The following SLC24A2 variants were observed in gnomAD, a reference collection of about 807,000 sequenced individuals.
SLC24A2 encodes solute carrier family 24 member 2.
Under a neutral mutation model 62.0 loss-of-function variants are expected in SLC24A2, and 36 were observed. The observed-to-expected ratio is 0.58, with a 90% CI of 0.44 to 0.77. The LOEUF is 0.77. SLC24A2 is among the 30% of genes least tolerant of loss of function. The pLI is 0.00. For missense variants in SLC24A2, 846 were observed against 817.9 expected, an observed-to-expected ratio of 1.03 and a Z score of -0.42; for synonymous variants, 358 against 294.0, an observed-to-expected ratio of 1.22 and a Z score of -2.23.
chr9:20,118,008 A>G, the SLC24A2 span, among the ~76,000 whole-genome samples: 4 of 152,112 alleles, frequency 2.6e-5, no homozygotes, highest in Admixed American at 1.3e-4. Flanking sequence ...TACCACCTTC[A>G]GCTTAACTAT....
chr9:20,292,149 A>C, the SLC24A2 span, among the ~76,000 whole-genome samples: 1 of 152,202 alleles, frequency 6.6e-6, no homozygotes, highest in East Asian at 1.9e-4. Context: ...GGAGCCAGCC[A>C]ATCAAAAAAC....
At chr9:19,694,049 C>G (rs1445217978) in intron 2 of SLC24A2, among the ~76,000 whole-genome samples, 1 of 151,320 alleles carries the variant, frequency 6.6e-6, no homozygotes, top group African/African-American at 2.4e-5. Flanking sequence ...TTAATTAGTT[C>G]AACTAAAACA....
At chr9:19,790,527 C>G (rs200364533), upstream of SLC24A2, among the ~76,000 whole-genome samples, 1 of 50,314 alleles carries the variant, frequency 2.0e-5, no homozygotes, top group Non-Finnish European at 4.9e-5. Context: ...CTAATTTGAG[C>G]ATCAAAAAAA....
chr9:19,521,855 A>G lies in SLC24A2; in HGVS notation c.1570-795T>C, dbSNP rs560705597. Among the ~76,000 whole-genome samples, 728 of 138,390 alleles carry G rather than the reference A, an allele frequency of 5.3e-3. 22 individuals are homozygous for G. Among genetic ancestry groups the G allele is most frequent in the East Asian group, 3.6e-3 (16 of 4,444 alleles). The allele number at this position is 138,390 out of a possible 152,430, so 90.8% of individuals were successfully genotyped here. ...GAAAAGCAAGGGGAGGGTGGCTATTACTTTTTTTCTTTTTTTTTCTTTTTT... is the reference window on the plus strand; with the variant it reads ...GAAAAGCAAGGGGAGGGTGGCTATTGCTTTTTTTCTTTTTTTTTCTTTTTT... On this transcript the variant is annotated intron_variant, in intron 9 of 10. Transcript: ENST00000341998.
At chr9:19,657,600 G>A (rs1384214432) in intron 2 of SLC24A2, among the ~76,000 whole-genome samples, 1 of 151,908 alleles carries the variant, frequency 6.6e-6, no homozygotes, top group Admixed American at 6.6e-5. Flanking sequence ...CTTTGCTTAG[G>A]CTGTTGCTTT....
the SLC24A2 span, among the ~76,000 whole-genome samples, chr9:20,068,428 C>A: frequency 6.6e-6 from 1 of 152,154 alleles, no homozygotes; most frequent in East Asian, 1.9e-4. Context: ...CTCTTTGAAC[C>A]TCTTGGCTCT....
the SLC24A2 span, among the ~76,000 whole-genome samples, chr9:20,073,082 C>T: frequency 6.6e-6 from 1 of 152,134 alleles, no homozygotes; most frequent in African/African-American, 2.4e-5. Context: ...GAAAACAATA[C>T]ATATGTATTA....
chr9:19,529,618 T>C (rs1833602183), intron 8 of SLC24A2, among the ~76,000 whole-genome samples: 1 of 152,138 alleles, frequency 6.6e-6, no homozygotes. Context: ...TGCTTTTCCC[T>C]GCTCCCTTTC....
the SLC24A2 span, among the ~76,000 whole-genome samples, chr9:19,834,772 G>C: frequency 6.6e-6 from 1 of 152,062 alleles, no homozygotes; most frequent in East Asian, 1.9e-4. Flanking sequence ...ACACATAATC[G>C]TCAGATTCAC....
chr9:20,043,964 A>G, the SLC24A2 span, among the ~76,000 whole-genome samples: 25 of 152,252 alleles, frequency 1.6e-4, no homozygotes, highest in Non-Finnish European at 3.2e-4. Flanking sequence ...CAATCAATGC[A>G]GCAAATTTCA....
chr9:19,525,402 T>G (rs1338388136), intron 9 of SLC24A2, among the ~76,000 whole-genome samples: 1 of 140,746 alleles, frequency 7.1e-6, no homozygotes, highest in African/African-American at 2.7e-5. Flanking sequence ...TTTTTTTTTT[T>G]TTTTTTTTTT....
At chr9:19,665,556 T>G (rs533365973) in intron 2 of SLC24A2, among the ~76,000 whole-genome samples, 2 of 152,154 alleles carry the variant, frequency 1.3e-5, no homozygotes, top group Non-Finnish European at 2.9e-5. Flanking sequence ...AGATATGTAT[T>G]GCCTGTAATG....
At chr9:19,610,071 G>C (rs1036808501) in intron 4 of SLC24A2, among the ~76,000 whole-genome samples, 1 of 152,164 alleles carries the variant, frequency 6.6e-6, no homozygotes, top group Non-Finnish European at 1.5e-5. Flanking sequence ...GCTTTAGTTC[G>C]ATTACAGGTG....
At chr9:19,874,562 C>T in the SLC24A2 span, among the ~76,000 whole-genome samples, 2 of 152,110 alleles carry the variant, frequency 1.3e-5, no homozygotes, top group African/African-American at 4.8e-5. Flanking sequence ...AATATGCATG[C>T]CTTTGACCCA....
At chr9:20,038,096 C>G in the SLC24A2 span, among the ~76,000 whole-genome samples, 1 of 152,028 alleles carries the variant, frequency 6.6e-6, no homozygotes, top group East Asian at 1.9e-4. Context: ...ATCTTAATTC[C>G]AAAGTATGGC....
chr9:19,709,629 A>G (rs1820651942), intron 2 of SLC24A2, among the ~76,000 whole-genome samples: 1 of 151,762 alleles, frequency 6.6e-6, no homozygotes, highest in African/African-American at 2.4e-5. Flanking sequence ...ACTGGACACC[A>G]TCATTCTCAG....
chr9:20,053,673 C>T, the SLC24A2 span, among the ~76,000 whole-genome samples: 1 of 152,166 alleles, frequency 6.6e-6, no homozygotes, highest in African/African-American at 2.4e-5. Context: ...ACCTCCCTTA[C>T]TCCTTCCATT....
At chr9:20,288,345 T>C in the SLC24A2 span, among the ~76,000 whole-genome samples, 2 of 152,066 alleles carry the variant, frequency 1.3e-5, no homozygotes, top group South Asian at 2.1e-4. Flanking sequence ...TAAGGTGGCA[T>C]CAACACTCCT....
chr9:20,290,140 T>A, the SLC24A2 span, among the ~76,000 whole-genome samples: 1 of 152,114 alleles, frequency 6.6e-6, no homozygotes, highest in South Asian at 2.1e-4. Flanking sequence ...CACTAGCTAT[T>A]CTCTGCTGAA....
Sources: allele counts gnomAD v4.1 joint callset (sites outside exome capture counted in the v4.1 genomes callset), GRCh38; gene constraint gnomAD v4.1.1; transcripts MANE v1.5; gene names NCBI Gene and HGNC (gene_info 2026-07-23, HGNC 2026-07-21).